The following NELL1 variants were observed in gnomAD, a reference collection of about 807,000 sequenced individuals.
NELL1 encodes neural EGFL like 1.
NELL1 carries 76 observed loss-of-function variants against 107.4 expected under a neutral mutation model. The ratio of observed to expected loss-of-function variants is 0.71; its 90% CI spans 0.59 to 0.86. The LOEUF is 0.86. Ranked by LOEUF, NELL1 falls within the 40% of genes least tolerant of loss-of-function variation. NELL1 has a pLI of 0.00. For missense variants in NELL1, 1,024 were observed against 1,005.5 expected (o/e 1.02, Z -0.25); for synonymous variants, 353 against 341.2 (o/e 1.03, Z -0.38).
intron 15 of NELL1, among the ~76,000 whole-genome samples, chr11:21,482,431 T>C (rs1854516202): frequency 6.6e-6 from 1 of 152,164 alleles, no homozygotes; most frequent in Non-Finnish European, 1.5e-5. Context: ...CCACTTATCA[T>C]AGGATTTTTC....
chr11:20,841,963 T>C (rs1210806881), intron 3 of NELL1, among the ~76,000 whole-genome samples: 2 of 152,190 alleles, frequency 1.3e-5, no homozygotes, highest in African/African-American at 4.8e-5. Flanking sequence ...TGCCTCTTTT[T>C]CAGGACACAT....
chr11:21,020,098 T>A (rs183326900), intron 12 of NELL1, among the ~76,000 whole-genome samples: 1 of 152,252 alleles, frequency 6.6e-6, no homozygotes, highest in East Asian at 1.9e-4. Context: ...TGAGTATTCA[T>A]CTTATATGGT....
At chr11:20,987,277 C>T (rs1851872838) in intron 12 of NELL1, among the ~76,000 whole-genome samples, 1 of 152,196 alleles carries the variant, frequency 6.6e-6, no homozygotes, top group African/African-American at 2.4e-5. Context: ...TCAAAACCTA[C>T]ACATCATGGG....
At chr11:21,455,009 T>C (rs1441579710) in intron 15 of NELL1, among the ~76,000 whole-genome samples, 4 of 152,260 alleles carry the variant, frequency 2.6e-5, no homozygotes, top group African/African-American at 9.6e-5. Flanking sequence ...TTTAATCTTT[T>C]TGTCGTAGAT....
chr11:21,160,314 T>A (rs1379837802), intron 13 of NELL1, among the ~76,000 whole-genome samples: 2 of 151,914 alleles, frequency 1.3e-5, no homozygotes, highest in Non-Finnish European at 2.9e-5. Context: ...TAGCTAATAT[T>A]TTTTTTTAGA....
intron 12 of NELL1, among the ~76,000 whole-genome samples, chr11:21,002,524 C>T (rs1038440507): frequency 3.3e-5 from 5 of 152,128 alleles, no homozygotes; most frequent in Admixed American, 3.3e-4. Context: ...TAGGATACTG[C>T]AGAGCAAGGG....
chr11:21,285,356 C>T (rs532404165), intron 14 of NELL1, among the ~76,000 whole-genome samples: 61 of 152,288 alleles, frequency 4.0e-4, no homozygotes, highest in African/African-American at 1.4e-3. Context: ...GCAAACCAGC[C>T]TGCAGAGAAG....
intron 13 of NELL1, among the ~76,000 whole-genome samples, chr11:21,198,897 C>T (rs1174421979): frequency 1.3e-5 from 2 of 152,132 alleles, no homozygotes; most frequent in Admixed American, 6.5e-5. Flanking sequence ...ATTATGGCAC[C>T]ATGCACCATG....
intron 18 of NELL1, among the ~76,000 whole-genome samples, chr11:21,572,036 C>G (rs947789928): frequency 3.3e-5 from 5 of 151,734 alleles, no homozygotes; most frequent in African/African-American, 1.2e-4. Flanking sequence ...TTAATCACTC[C>G]TATGACTGAG....
intron 15 of NELL1, among the ~76,000 whole-genome samples, chr11:21,518,482 G>A (rs1410547158): frequency 6.6e-6 from 1 of 152,122 alleles, no homozygotes; most frequent in East Asian, 1.9e-4. Flanking sequence ...TAAAAAATGT[G>A]GACCTGTCTT....
At chr11:20,671,595 A>G (rs974772321) in intron 1 of NELL1, among the ~76,000 whole-genome samples, 2 of 152,148 alleles carry the variant, frequency 1.3e-5, no homozygotes, top group African/African-American at 4.8e-5. Context: ...AAATCTTGTA[A>G]AAATTTCGTT....
chr11:20,889,254 C>T (rs1308020215), intron 5 of NELL1, among the ~76,000 whole-genome samples: 1 of 152,118 alleles, frequency 6.6e-6, no homozygotes, highest in East Asian at 1.9e-4. Context: ...TGACAAAACA[C>T]AAATTTTTCA....
At chr11:20,797,485 G>A (rs111908607) in intron 3 of NELL1, among the ~76,000 whole-genome samples, 2,943 of 143,120 alleles carry the variant, frequency 0.021, 99 homozygotes, top group African/African-American at 0.071. Flanking sequence ...AGAATGGCGT[G>A]AACCTGGGAG....
chr11:21,538,065 A>G (rs1856183406), intron 16 of NELL1, among the ~76,000 whole-genome samples: 3 of 152,120 alleles, frequency 2.0e-5, no homozygotes, highest in Admixed American at 2.0e-4. Context: ...AAATAATATC[A>G]ACCACTAATG....
At chr11:21,169,797 G>T in intron 13 of NELL1, 1 of 1,367,530 alleles carries the variant, frequency 7.3e-7, no homozygotes, top group Non-Finnish European at 1.0e-6. Flanking sequence ...GGCACCCGGA[G>T]AGTGGGACAG....
chr11:21,126,439 T>G (rs1241872280), intron 13 of NELL1, among the ~76,000 whole-genome samples: 1 of 152,170 alleles, frequency 6.6e-6, no homozygotes, highest in African/African-American at 2.4e-5. Context: ...AGAAATAGCT[T>G]GGGCTTGTGA....
At chr11:21,256,726 G>GGAAAAT (rs1279475528) in intron 14 of NELL1, among the ~76,000 whole-genome samples, 1 of 152,004 alleles carries the variant, frequency 6.6e-6, no homozygotes, top group African/African-American at 2.4e-5. Context: ...GTGGAGGCAA[G>GGAAAAT]GACAATGACA....
chr11:21,418,503 G>A (rs1852575040), intron 15 of NELL1, among the ~76,000 whole-genome samples: 1 of 150,898 alleles, frequency 6.6e-6, no homozygotes, highest in Non-Finnish European at 1.5e-5. Flanking sequence ...GGAATTTGGG[G>A]TGGCAGAGTT....
At chr11:20,806,647 C>T (rs1365652635) in intron 3 of NELL1, among the ~76,000 whole-genome samples, 1 of 152,010 alleles carries the variant, frequency 6.6e-6, no homozygotes, top group Non-Finnish European at 1.5e-5. Context: ...TTCTCTTTAC[C>T]TCCCCTTTAA....
Sources: gnomAD v4.1 joint callset for allele counts (sites outside exome capture counted in the v4.1 genomes callset) on GRCh38, gnomAD v4.1.1 for gene constraint, MANE v1.5 for transcripts, NCBI Gene and HGNC (gene_info 2026-07-23, HGNC 2026-07-21) for gene names.